The following BTN2A1 variants were observed in gnomAD, a reference collection of about 807,000 sequenced individuals.
BTN2A1 encodes the protein butyrophilin subfamily 2 member A1, also known as butyrophilin, subfamily 2, member A1.
A neutral mutation model predicts 34.5 loss-of-function variants in BTN2A1; 41 were observed. That is an observed-to-expected ratio of 1.19 (90% confidence interval 0.93 to 1.54). The LOEUF (loss-of-function observed/expected upper bound fraction) is 1.54. BTN2A1 is among the 40% of genes most tolerant of loss of function. The probability of loss-of-function intolerance (pLI) is 0.00; values close to 1 mark genes in which losing one functional copy is unlikely to be tolerated. For missense variants in BTN2A1, 642 were observed against 662.0 expected (o/e 0.97, Z 0.33); for synonymous variants, 267 against 258.6 (o/e 1.03, Z -0.31).
intron 7 of BTN2A1, among the ~76,000 whole-genome samples, chr6:26,475,926 C>T (rs889458604): frequency 1.3e-5 from 2 of 152,050 alleles, no homozygotes; most frequent in South Asian, 4.1e-4. Flanking sequence ...CCAGTGCAGG[C>T]AGCATCTCAG....
downstream of BTN2A1, among the ~76,000 whole-genome samples, chr6:26,474,061 T>G (rs1328145685): frequency 1.3e-5 from 2 of 152,246 alleles, 1 homozygote; most frequent in East Asian, 3.8e-4. Context: ...GAAATAATTG[T>G]GTTAAATTAA....
intron 2 of BTN2A1, among the ~76,000 whole-genome samples, chr6:26,459,160 C>A (rs542345248): frequency 1.6e-4 from 25 of 152,268 alleles, no homozygotes; most frequent in African/African-American, 6.0e-4. Context: ...TGTCCTATTG[C>A]ACGGCTCAAG....
At chr6:26,467,421 C>T (rs1170871475) in intron 7 of BTN2A1, among the ~76,000 whole-genome samples, 6 of 152,322 alleles carry the variant, frequency 3.9e-5, no homozygotes, top group South Asian at 4.1e-4. Context: ...AAGCAATTCT[C>T]GTGCCTCAGC....
intron 7 of BTN2A1, 92 bp from the exon 8 acceptor site, chr6:26,467,856 C>A: frequency 6.4e-7 from 1 of 1,563,944 alleles, no homozygotes; most frequent in Non-Finnish European, 8.6e-7. Flanking sequence ...GGGATCCCTT[C>A]AGAGATATCT....
At chr6:26,467,885 A>G in intron 7 of BTN2A1, 63 bp from the exon 8 acceptor site, 3 of 1,574,274 alleles carry the variant, frequency 1.9e-6, no homozygotes, top group South Asian at 1.2e-5. Context: ...TCTGGGGATC[A>G]GGAACCACAC....
chr6:26,465,370 G>T lies in BTN2A1; in HGVS notation c.898G>T (p.Glu300Ter). The change falls in exon 5 of 8, where the codon GAA (glutamate) becomes TAA (stop). Residue 300 changes from glutamate to a stop codon, truncating the protein, a stop_gained. Coordinates refer to ENST00000312541, the MANE Select transcript of BTN2A1 (RefSeq NM_007049.5). LOFTEE classifies it high-confidence loss of function. ...REIALKELEK[E>*]RVQKEEELQV... ...AATTGCTCTAAAGGAACTGGAGAAA[G>T]AACGTGTGCAAAAAGAGGAAGAACT... The T allele has an allele frequency of 6.2e-7, 1 of 1,614,124 alleles. No homozygotes were observed. Among genetic ancestry groups the T allele is most frequent in the South Asian group, 1.1e-5 (1 of 91,070 alleles).
At position 26,465,176 on chromosome 6, in the gene BTN2A1, C is replaced by T. The variant is rs1380130765; in HGVS notation, c.713-9C>T. 1.2e-6 allele frequency: 2 copies of T among 1,611,946 alleles called. No homozygotes were observed. Among genetic ancestry groups the T allele is most frequent in the South Asian group, 2.2e-5 (2 of 91,004 alleles). ...CAAACTAAGTGGATATTTCTGGCTG[C>T]CTTTTCAGAATCCTTTATGCCCAGT... On this transcript the variant is annotated splice_polypyrimidine_tract_variant and intron_variant, in intron 4 of 7. Coordinates refer to ENST00000312541, the MANE Select transcript of BTN2A1 (RefSeq NM_007049.5).
At chr6:26,461,505 G>A (rs9393722) in intron 3 of BTN2A1, among the ~76,000 whole-genome samples, 98,850 of 152,206 alleles carry the variant, frequency 0.65, 35,322 homozygotes, top group East Asian at 0.82. Flanking sequence ...ACCCTGGGCC[G>A]AGTGCAGTGA....
At chr6:26,459,945 C>CAGGGAGATTCCACAGGGACAT (rs6149491) in intron 3 of BTN2A1, 117 bp downstream of exon 3, 6 of 886,968 alleles carry the variant, frequency 6.8e-6, no homozygotes, top group Non-Finnish European at 1.0e-5. Flanking sequence ...CCCTTTTCCA[C>CAGGGAGATTCCACAGGGACAT]TCTCCCTGTG....
At position 26,466,106 on chromosome 6, in the gene BTN2A1, TC is replaced by T; in HGVS notation, c.982+21del. 6.2e-7 allele frequency: 1 copy of T among 1,613,210 alleles called. No homozygotes were observed. The highest frequency in any genetic ancestry group is 8.5e-7 in the Non-Finnish European group (1 of 1,180,022). ...ACATGCTGGTGAGTGCCTCTGATGT[TC>T]CCTCAGATCTCAGCTTTCTCCACAC... On this transcript the variant is annotated intron_variant, in intron 7 of 7. Transcript: ENST00000312541.
At chr6:26,461,953 C>T (rs1170473520) in intron 3 of BTN2A1, among the ~76,000 whole-genome samples, 4 of 151,708 alleles carry the variant, frequency 2.6e-5, no homozygotes, top group Non-Finnish European at 1.5e-5. Flanking sequence ...CCTCAGAAAT[C>T]GAGGATGCAG....
intron 3 of BTN2A1, 49 bp from the exon 4 acceptor site, chr6:26,463,195 A>C: frequency 1.3e-6 from 2 of 1,521,284 alleles, no homozygotes; most frequent in Non-Finnish European, 1.8e-6. Context: ...GGCACAGAAG[A>C]GATGCAAAAG....
At chr6:26,462,119 A>C (rs1763182528) in intron 3 of BTN2A1, among the ~76,000 whole-genome samples, 1 of 152,220 alleles carries the variant, frequency 6.6e-6, no homozygotes, top group Non-Finnish European at 1.5e-5. Flanking sequence ...AGACTTTACA[A>C]AGGAATTACT....
chr6:26,468,063 A>G lies in BTN2A1; in HGVS notation c.1098A>G (p.Pro366=), dbSNP rs1374765507. 2 of 1,614,180 alleles carry G rather than the reference A, an allele frequency of 1.2e-6. No homozygotes were observed. Among genetic ancestry groups the G allele is most frequent in the South Asian group, 2.2e-5 (2 of 91,090 alleles). The part of the protein sequence containing the change: ...RHLGESVPDN[P]ERFDSQPCVL... ...TAGGGGAGAGCGTGCCTGACAACCC[A>G]GAGAGATTCGACAGTCAGCCTTGTG... Residue 366 remains proline, a synonymous_variant, in exon 8 of 8, where the codon CCA becomes CCG. Coordinates refer to ENST00000312541, the MANE Select transcript of BTN2A1 (RefSeq NM_007049.5).
At chr6:26,475,208 C>CA (rs1230650112) in intron 7 of BTN2A1, among the ~76,000 whole-genome samples, 1 of 152,190 alleles carries the variant, frequency 6.6e-6, no homozygotes, top group African/African-American at 2.4e-5. Flanking sequence ...AACATCCCCA[C>CA]AACAGCCCGT....
chr6:26,460,096 C>A (rs1002704207), intron 3 of BTN2A1, among the ~76,000 whole-genome samples: 1 of 152,094 alleles, frequency 6.6e-6, no homozygotes, highest in African/African-American at 2.4e-5. Flanking sequence ...AATGGTCAGT[C>A]TCGGAAGAGA....
At chr6:26,458,297 C>G (rs2273193) in intron 1 of BTN2A1, among the ~76,000 whole-genome samples, 155 bp downstream of exon 1, 110,902 of 152,000 alleles carry the variant, frequency 0.73, 40,695 homozygotes, top group East Asian at 0.84. Context: ...GCTGCCCGGC[C>G]TGGGTCGCGG....
rs146086334 is a variant in BTN2A1 at position 26,459,636 on chromosome 6, G to T, written c.238G>T (p.Gly80Cys). The T allele has an allele frequency of 8.8e-5, 142 of 1,614,144 alleles. No homozygotes were observed. The African/African-American group carries it at 1.5e-3, about 17-fold the overall frequency. ...QFSPAVFVYKGGRERTEEQME... is the reference protein window; with the variant it reads ...QFSPAVFVYKCGRERTEEQME... ...CTCCCCCGCAGTGTTTGTGTATAAA[G>T]GTGGCAGAGAGAGAACAGAGGAGCA... The change falls in exon 3 of 8, where the codon GGT becomes TGT. Residue 80 changes from glycine to cysteine, a missense_variant. Coordinates refer to ENST00000312541, the MANE Select transcript of BTN2A1 (RefSeq NM_007049.5).
At chr6:26,476,396 C>T (rs1202763564) in exon 8 of BTN2A1, 3 of 722,172 alleles carry the variant, frequency 4.2e-6, no homozygotes, top group South Asian at 1.4e-5. Flanking sequence ...TCCCAAACTC[C>T]GGCTTGCCCA....
Sources: allele counts gnomAD v4.1 joint callset (sites outside exome capture counted in the v4.1 genomes callset), GRCh38; gene constraint gnomAD v4.1.1; transcripts MANE v1.5; gene names NCBI Gene and HGNC (gene_info 2026-07-23, HGNC 2026-07-21).